The following DMD variants were observed in gnomAD, a reference collection of about 807,000 sequenced individuals.
The protein encoded by DMD is dystrophin.
In DMD, 63 loss-of-function variants were observed where a neutral mutation model predicts 330.1. That is an observed-to-expected ratio of 0.19 (90% CI 0.16 to 0.24). The LOEUF is 0.24. DMD is among the 10% of genes least tolerant of loss of function. The probability of loss-of-function intolerance (pLI) is 1.00; values close to 1 mark genes in which losing one functional copy is unlikely to be tolerated. For missense variants in DMD, 3,344 were observed against 2,684.1 expected, an observed-to-expected ratio of 1.25 and a Z score of -5.43; for synonymous variants, 1,223 against 959.8, an observed-to-expected ratio of 1.27 and a Z score of -5.07.
chrX:31,757,529 G>A (rs1418328458), intron 51 of DMD, among the ~76,000 whole-genome samples: 1 of 111,326 alleles, frequency 9.0e-6, no homozygotes, highest in African/African-American at 3.3e-5. Flanking sequence ...TCTGGAGGCT[G>A]GGAATTCCAA....
chrX:31,348,687 A>C (rs1453122500), intron 60 of DMD, 53 bp from the exon 61 acceptor site: 3 of 1,001,003 alleles, frequency 3.0e-6, no homozygotes, highest in African/African-American at 1.9e-5. Context: ...AATGAGGAAC[A>C]ATTAAAACAA....
At chrX:32,471,929 C>A (rs1311825719) in intron 22 of DMD, among the ~76,000 whole-genome samples, 1 of 111,835 alleles carries the variant, frequency 8.9e-6, no homozygotes, top group Non-Finnish European at 1.9e-5. Flanking sequence ...AAATATACTT[C>A]ATAAATAGAT....
At chrX:31,258,633 T>C (rs2050201134) in intron 63 of DMD, among the ~76,000 whole-genome samples, 1 of 111,960 alleles carries the variant, frequency 8.9e-6, no homozygotes, top group African/African-American at 3.2e-5. Flanking sequence ...AAATGAGTTC[T>C]AAAATCCCCT....
intron 50 of DMD, among the ~76,000 whole-genome samples, chrX:31,790,887 G>T (rs2091537479): frequency 9.0e-6 from 1 of 111,730 alleles, no homozygotes; most frequent in Non-Finnish European, 1.9e-5. Context: ...GAGAAAAATA[G>T]TGACAAAATC....
At chrX:32,060,498 T>C (rs979262287) in intron 44 of DMD, among the ~76,000 whole-genome samples, 3 of 111,514 alleles carry the variant, frequency 2.7e-5, no homozygotes, top group East Asian at 2.8e-4. Flanking sequence ...GATTGAAAGA[T>C]GCATTGTGAG....
chrX:32,666,395 C>T (rs1289026409), intron 9 of DMD, among the ~76,000 whole-genome samples: 1 of 110,254 alleles, frequency 9.1e-6, no homozygotes, highest in Non-Finnish European at 1.9e-5. Context: ...GTGTGATGTT[C>T]CCCTCCCTGT....
chrX:32,431,873 AGT>A (rs1168300440), intron 29 of DMD, among the ~76,000 whole-genome samples: 2 of 110,872 alleles, frequency 1.8e-5, no homozygotes, highest in African/African-American at 6.6e-5. Context: ...CGTGTGAGTG[AGT>A]GTGTGTATGT....
chrX:32,397,672 C>G lies in DMD; in HGVS notation c.4234-7491G>C, dbSNP rs138250715. Among the ~76,000 whole-genome samples, 443 of 111,023 alleles carry G rather than the reference C, an allele frequency of 4.0e-3. 1 individual carries two copies. The highest frequency in any genetic ancestry group is 9.2e-3 in the Middle Eastern group (2 of 217). ...ATGGTAAAGGGCAAAATTATAGAAC[C>G]AAAAAATCATTCAAACATTAATCAC... On this transcript the variant is annotated intron_variant, in intron 30 of 78. Transcript: ENST00000357033.
chrX:33,338,946 T>C (rs2054295253), intron 1 of DMD, among the ~76,000 whole-genome samples: 1 of 111,194 alleles, frequency 9.0e-6, no homozygotes, highest in African/African-American at 3.3e-5. Context: ...TCCCCGAAGA[T>C]TTTTTTCCCC....
At chrX:32,636,172 T>A (rs2059081130) in intron 11 of DMD, among the ~76,000 whole-genome samples, 1 of 111,977 alleles carries the variant, frequency 8.9e-6, no homozygotes, top group Admixed American at 9.5e-5. Context: ...ATTCTCCTCT[T>A]TACAGCACCT....
intron 7 of DMD, among the ~76,000 whole-genome samples, chrX:32,778,779 G>A (rs763737802): frequency 5.1e-4 from 57 of 110,970 alleles, no homozygotes; most frequent in Non-Finnish European, 7.2e-4. Context: ...TAAGCATTCC[G>A]GTGACTACAT....
At chrX:32,584,498 G>C (rs1466858803) in intron 13 of DMD, among the ~76,000 whole-genome samples, 1 of 111,908 alleles carries the variant, frequency 8.9e-6, no homozygotes, top group Non-Finnish European at 1.9e-5. Context: ...TGAATTATTT[G>C]TAATGCTTCC....
intron 18 of DMD, among the ~76,000 whole-genome samples, chrX:32,502,615 T>C (rs1314694156): frequency 8.9e-6 from 1 of 112,222 alleles, no homozygotes; most frequent in Non-Finnish European, 1.9e-5. Flanking sequence ...TAACAATGTG[T>C]ATGTCCTAAA....
intron 7 of DMD, among the ~76,000 whole-genome samples, chrX:32,746,787 A>C (rs937623648): frequency 1.8e-5 from 2 of 111,541 alleles, no homozygotes; most frequent in South Asian, 7.5e-4. Context: ...AGTGCTTTAG[A>C]ACACTAGTAC....
chrX:32,133,473 G>A (rs1385094031), intron 44 of DMD, among the ~76,000 whole-genome samples: 1 of 111,332 alleles, frequency 9.0e-6, no homozygotes, highest in African/African-American at 3.3e-5. Flanking sequence ...AAATTTAAAC[G>A]TCCAACCTGG....
intron 60 of DMD, among the ~76,000 whole-genome samples, chrX:31,376,942 C>T (rs2059913830): frequency 8.9e-6 from 1 of 112,230 alleles, no homozygotes; most frequent in African/African-American, 3.2e-5. Context: ...TGCATTGAAT[C>T]TGACAGGCCA....
Position 32,554,878 on chromosome X carries a change from GAAGAAAGAAAGAAAGAAAGAAAGAAAGA to G in DMD, c.1993-9572_1993-9545del, listed in dbSNP as rs769646135. On this transcript the variant is annotated intron_variant, in intron 16 of 78. Coordinates refer to ENST00000357033, the MANE Select transcript of DMD (RefSeq NM_004006.3). The stretch of plus-strand genomic sequence containing the variant: ...AGAGAGAGAGAGAGAGAGAAGGAAA[GAAGAAAGAAAGAAAGAAAGAAAGAAAGA>G]AAGAAAGAAAGAAAGAAAGAAAGAA... 7.6e-4 allele frequency among the ~76,000 whole-genome samples: 25 copies of G among 32,720 alleles called. No individual in the cohort carries two copies. The South Asian group carries it at 0.034, about 45-fold the overall frequency. 28.4% of individuals were successfully genotyped at this position (32,720 alleles called of 115,157 possible). A position where few individuals can be genotyped will look rare whatever the true frequency, so the allele number is the denominator to read the frequency against.
intron 63 of DMD, among the ~76,000 whole-genome samples, chrX:31,252,298 T>C (rs772762908): frequency 8.9e-6 from 1 of 112,501 alleles, no homozygotes; most frequent in South Asian, 3.7e-4. Flanking sequence ...GAATAAAGAA[T>C]GTCATATGGA....
chrX:31,782,766 C>T (rs979139101), intron 50 of DMD, among the ~76,000 whole-genome samples: 1 of 111,240 alleles, frequency 9.0e-6, no homozygotes, highest in African/African-American at 3.3e-5. Context: ...GCTTATCCAG[C>T]AGAGAGAACA....
Sources: allele counts gnomAD v4.1 joint callset (sites outside exome capture counted in the v4.1 genomes callset), GRCh38; gene constraint gnomAD v4.1.1; transcripts MANE v1.5; gene names NCBI Gene and HGNC (gene_info 2026-07-23, HGNC 2026-07-21).